Variants in CAVIN1 observed in about 807,000 individuals in gnomAD.
CAVIN1 encodes caveolae associated protein 1.
In CAVIN1, 16 loss-of-function variants were observed where a neutral mutation model predicts 24.0. The observed-to-expected ratio is 0.67, with a 90% CI of 0.45 to 1.01. CAVIN1 has a LOEUF of 1.01. Ranked by LOEUF, CAVIN1 falls within the 50% of genes least tolerant of loss-of-function variation. The pLI is 0.00. For synonymous variants in CAVIN1, 256 were observed against 256.4 expected (o/e 1.00, Z 0.02); for missense variants, 510 against 551.7 (o/e 0.92, Z 0.76).
rs7222739 is a variant in CAVIN1, at chr17:42,422,502, G to C, written c.471+125C>G. 0.9 allele frequency: 533,514 copies of C among 594,026 alleles called. 241,557 individuals are homozygous for C. The highest frequency in any genetic ancestry group is 0.99 in the East Asian group (32,578 of 32,964). The allele number at this position is 594,026 out of a possible 1,614,324, so 36.8% of individuals were successfully genotyped here. A position where few individuals can be genotyped will look rare whatever the true frequency, so the allele number is the denominator to read the frequency against. ...CGCTCACCGGAAGGAGGGTGGATCT[G>C]CCGGGCGCCCGGGCCAGGCTGGGAG... is the stretch of plus-strand genomic sequence containing the variant. On this transcript the variant is annotated intron_variant, in intron 1 of 1. Transcript: ENST00000357037.
intron 1 of CAVIN1, among the ~76,000 whole-genome samples, chr17:42,416,928 C>T (rs763337956): frequency 6.6e-6 from 1 of 152,168 alleles, no homozygotes; most frequent in African/African-American, 2.4e-5. Context: ...ATCAGGCTCT[C>T]GTTCCAGCCC....
chr17:42,411,206 A>AAAAAAAAAAAG (rs2085475459), intron 1 of CAVIN1, among the ~76,000 whole-genome samples: 1 of 148,454 alleles, frequency 6.7e-6, no homozygotes, highest in Non-Finnish European at 1.5e-5. Context: ...AAAAAAAAAA[A>AAAAAAAAAAAG]AAACTAAAAG....
chr17:42,422,500 C>T (rs1235376097), intron 1 of CAVIN1, 127 bp downstream of exon 1: 1 of 377,032 alleles, frequency 2.7e-6, no homozygotes, highest in Non-Finnish European at 5.0e-6. Flanking sequence ...GAGGGTGGAT[C>T]TGCCGGGCGC....
chr17:42,422,950 T>A lies in CAVIN1; in HGVS notation c.148A>T (p.Asn50Tyr). The stretch of plus-strand genomic sequence containing the variant: ...AGGAGGCTCAGCACCAGCACGCCGT[T>A]CACCTGGTCCGACTTGATCAGCTCT... ...SEELIKSDQV[N>Y]GVLVLSLLDK... The change falls in exon 1 of 2, where the codon AAC becomes TAC. Residue 50 changes from asparagine to tyrosine, a missense_variant. Asn to Tyr is a moderately radical substitution (Grantham distance 143). Coordinates refer to ENST00000357037, the MANE Select transcript of CAVIN1 (RefSeq NM_012232.6). 6.2e-7 allele frequency: 1 copy of A among 1,613,988 alleles called. No homozygotes were observed.
Position 42,404,615 on chromosome 17 carries a change from C to CCAGCCGAGA in CAVIN1, c.*71_*72insTCTCGGCTG. On this transcript the variant is annotated 3_prime_UTR_variant, in exon 2 of 2. Transcript: ENST00000357037. ...CAATTTAGAAAAATCTCAGCCAGCT[C>CCAGCCGAGA]GAGCCGAGAGAGAATGCGAAAGAGG... The CCAGCCGAGA allele has an allele frequency of 9.3e-7, 1 of 1,076,120 alleles. No individual in the cohort carries two copies. The highest frequency in any genetic ancestry group is 3.1e-5 in the East Asian group (1 of 31,942). The allele number at this position is 1,076,120 out of a possible 1,614,324, so 66.7% of individuals were successfully genotyped here.
At chr17:42,421,626 G>A (rs1250775106) in intron 1 of CAVIN1, among the ~76,000 whole-genome samples, 2 of 152,122 alleles carry the variant, frequency 1.3e-5, no homozygotes, top group East Asian at 3.9e-4. Flanking sequence ...ATAGAAACCC[G>A]AGACTCCCAG....
chr17:42,411,516 C>T (rs2085478702), intron 1 of CAVIN1: 1 of 985,146 alleles, frequency 1.0e-6, no homozygotes, highest in Non-Finnish European at 1.2e-6. Context: ...CTTTTGGGCA[C>T]CCCACCCAAG....
chr17:42,418,523 G>A (rs888055816), intron 1 of CAVIN1, among the ~76,000 whole-genome samples: 4 of 152,044 alleles, frequency 2.6e-5, no homozygotes, highest in Admixed American at 1.3e-4. Context: ...GAGCCACCGC[G>A]CCCAGCCCCG....
intron 1 of CAVIN1, among the ~76,000 whole-genome samples, chr17:42,407,491 C>T (rs1281343900): frequency 6.6e-6 from 1 of 152,136 alleles, no homozygotes; most frequent in African/African-American, 2.4e-5. Context: ...CTCCCATCAA[C>T]ATCCCCCCAG....
intron 1 of CAVIN1, among the ~76,000 whole-genome samples, chr17:42,405,698 T>TTTTG (rs1567776722): frequency 6.7e-6 from 1 of 149,038 alleles, no homozygotes; most frequent in Non-Finnish European, 1.5e-5. Context: ...TTTTTTTTTT[T>TTTTG]TTTTTTTAAA....
At chr17:42,418,130 T>C (rs972568773) in intron 1 of CAVIN1, among the ~76,000 whole-genome samples, 3 of 152,152 alleles carry the variant, frequency 2.0e-5, no homozygotes, top group Non-Finnish European at 4.4e-5. Context: ...TTTAGGTTTA[T>C]GTAAAGTTAC....
chr17:42,409,516 G>T (rs1404163172), intron 1 of CAVIN1, among the ~76,000 whole-genome samples: 3 of 152,156 alleles, frequency 2.0e-5, no homozygotes, highest in Non-Finnish European at 1.5e-5. Context: ...CATAGGAGCT[G>T]CCTTCTTGGT....
chr17:42,406,588 A>G (rs1175022802), intron 1 of CAVIN1, among the ~76,000 whole-genome samples: 1 of 151,872 alleles, frequency 6.6e-6, no homozygotes, highest in Admixed American at 6.6e-5. Flanking sequence ...TGTTGGTCAG[A>G]TTGGTCTCGA....
Position 42,404,311 on chromosome 17 carries a change from GA to G in CAVIN1, c.*375del, listed in dbSNP as rs1206973710. On this transcript the variant is annotated 3_prime_UTR_variant, in exon 2 of 2. Transcript: ENST00000357037. ...CAGGGATCAGGGTGAGAATGAAGAAGAGCTCAGTGAGCGGAATGACAGCAGC... is the reference window on the plus strand; with the variant it reads ...CAGGGATCAGGGTGAGAATGAAGAAGGCTCAGTGAGCGGAATGACAGCAGC... 5.6e-6 allele frequency: 1 copy of G among 179,890 alleles called. No homozygotes were observed. Among genetic ancestry groups the G allele is most frequent in the Admixed American group, 6.3e-5 (1 of 15,946 alleles). 11.1% of individuals were successfully genotyped at this position (179,890 alleles called of 1,614,324 possible).
intron 1 of CAVIN1, among the ~76,000 whole-genome samples, chr17:42,407,440 A>G (rs1567777224): frequency 6.6e-6 from 1 of 152,034 alleles, no homozygotes; most frequent in Non-Finnish European, 1.5e-5. Flanking sequence ...ACCACCTGCT[A>G]CAGAAATTCC....
intron 1 of CAVIN1, among the ~76,000 whole-genome samples, chr17:42,411,207 A>AAAAAAAAAAAAAAACAAC (rs758609413): frequency 6.3e-5 from 8 of 127,528 alleles, no homozygotes; most frequent in African/African-American, 2.2e-4. Context: ...AAAAAAAAAA[A>AAAAAAAAAAAAAAACAAC]AACTAAAAGG....
chr17:42,405,714 T>C (rs2085442682), intron 1 of CAVIN1, among the ~76,000 whole-genome samples: 1 of 131,296 alleles, frequency 7.6e-6, no homozygotes, highest in African/African-American at 2.9e-5. Context: ...TTAAACGGAG[T>C]CTCGATCTGT....
Position 42,422,651 on chromosome 17 carries a change from G to A in CAVIN1, c.447C>T (p.Arg149=), listed in dbSNP as rs1445021120. ...EVNEAELLRR[R]NFKVMIYQDE... ...CCTGGTAGATCATGACTTTAAAGTT[G>A]CGGCGCCGCAGCAGCTCGGCCTCGT... The change falls in exon 1 of 2, where the codon CGC becomes CGT. Residue 149 remains arginine, a synonymous_variant. Coordinates refer to ENST00000357037, the MANE Select transcript of CAVIN1 (RefSeq NM_012232.6). 1.9e-6 allele frequency: 3 copies of A among 1,591,302 alleles called. No individual in the cohort carries two copies. The highest frequency in any genetic ancestry group is 3.5e-5 in the Admixed American group (2 of 56,632).
At position 42,403,125 on chromosome 17, in the gene CAVIN1, A is replaced by C. The variant is rs1046930524; in HGVS notation, c.*1562T>G. On this transcript the variant is annotated 3_prime_UTR_variant, in exon 2 of 2. Coordinates refer to ENST00000357037, the MANE Select transcript of CAVIN1 (RefSeq NM_012232.6). ...CTCTGTTGCCTAGGATGGAGCACAG[A>C]GGCACCCTCATAGCTCACTGCAGCC... is the stretch of plus-strand genomic sequence containing the variant. 1 of 152,312 alleles carries C rather than the reference A, an allele frequency of 6.6e-6. No homozygotes were observed. Among genetic ancestry groups the C allele is most frequent in the East Asian group, 1.9e-4 (1 of 5,196 alleles). The allele number at this position is 152,312 out of a possible 1,614,324, so 9.4% of individuals were successfully genotyped here. A position where few individuals can be genotyped will look rare whatever the true frequency, so the allele number is the denominator to read the frequency against.
Sources: allele counts gnomAD v4.1 joint callset (sites outside exome capture counted in the v4.1 genomes callset), GRCh38; gene constraint gnomAD v4.1.1; transcripts MANE v1.5; gene names NCBI Gene and HGNC (gene_info 2026-07-23, HGNC 2026-07-21).